Variants in PTPN13 observed in about 807,000 individuals in gnomAD.
PTPN13 encodes the protein protein tyrosine phosphatase non-receptor type 13.
A neutral mutation model predicts 284.0 loss-of-function variants in PTPN13; 191 were observed. That is an observed-to-expected ratio of 0.67 (90% CI 0.60 to 0.76). PTPN13 has a LOEUF of 0.76. Among genes scored for constraint, PTPN13 ranks in the 30% least tolerant of loss-of-function variants. The pLI, the probability that PTPN13 is intolerant of heterozygous loss-of-function variation, is 0.00. For missense variants in PTPN13, 2,797 were observed against 2,939.9 expected (o/e 0.95, Z 1.12); for synonymous variants, 986 against 1,022.3 (o/e 0.96, Z 0.68).
rs1192910798 is a variant in PTPN13 at position 86,594,515 on chromosome 4, G to C, written c.-280G>C. 6.6e-6 allele frequency: 1 copy of C among 152,612 alleles called. No homozygotes were observed. Among genetic ancestry groups the C allele is most frequent in the Non-Finnish European group, 1.5e-5 (1 of 68,280 alleles). 9.5% of individuals were successfully genotyped at this position (152,612 alleles called of 1,614,324 possible). A position where few individuals can be genotyped will look rare whatever the true frequency, so the allele number is the denominator to read the frequency against. ...AGGCGTCGAGCACAGTAGGGCGGCGGGGGTGCGTTGAGCGCTCGGGGGTCA... is the reference window on the plus strand; with the variant it reads ...AGGCGTCGAGCACAGTAGGGCGGCGCGGGTGCGTTGAGCGCTCGGGGGTCA... On this transcript the variant is annotated 5_prime_UTR_variant, in exon 1 of 48. Coordinates refer to ENST00000411767, the MANE Select transcript of PTPN13 (RefSeq NM_080683.3).
At chr4:86,597,257 T>G (rs1362396877) in intron 1 of PTPN13, among the ~76,000 whole-genome samples, 1 of 151,992 alleles carries the variant, frequency 6.6e-6, no homozygotes, top group Non-Finnish European at 1.5e-5. Context: ...AAAGATAGCT[T>G]TTAAGATAGG....
At chr4:86,624,665 T>G (rs1454580563) in intron 1 of PTPN13, among the ~76,000 whole-genome samples, 2 of 152,110 alleles carry the variant, frequency 1.3e-5, no homozygotes, top group Non-Finnish European at 2.9e-5. Flanking sequence ...TAAAGCTTTA[T>G]CCAAAAGCTG....
intron 2 of PTPN13, among the ~76,000 whole-genome samples, chr4:86,662,938 C>A (rs764245128): frequency 4.6e-5 from 7 of 152,112 alleles, no homozygotes; most frequent in Non-Finnish European, 1.0e-4. Context: ...TTGCTTGAGC[C>A]CAGAAGTTTG....
At position 86,766,069 on chromosome 4, in the gene PTPN13, C is replaced by A. The variant is rs540493702; in HGVS notation, c.4244-363C>A. 2.0e-5 allele frequency among the ~76,000 whole-genome samples: 3 copies of A among 152,244 alleles called. No individual in the cohort carries two copies. The South Asian group carries it at 6.2e-4, about 32-fold the overall frequency. On this transcript the variant is annotated intron_variant, in intron 26 of 47. Coordinates refer to ENST00000411767, the MANE Select transcript of PTPN13 (RefSeq NM_080683.3). Reference sequence around the variant, plus strand: ...TCTCGAACTCCTGACCTCAGGTGATCCCCCCACTTTGGCCTCCCAAAGTGT... The same window carrying A: ...TCTCGAACTCCTGACCTCAGGTGATACCCCCACTTTGGCCTCCCAAAGTGT...
intron 1 of PTPN13, among the ~76,000 whole-genome samples, chr4:86,603,630 A>T (rs1207840621): frequency 6.6e-6 from 1 of 152,166 alleles, no homozygotes; most frequent in Admixed American, 6.5e-5. Context: ...AGAATTCATA[A>T]CACATCTCTT....
intron 23 of PTPN13, among the ~76,000 whole-genome samples, chr4:86,760,942 G>C (rs758759089): frequency 6.6e-6 from 1 of 151,644 alleles, no homozygotes; most frequent in Non-Finnish European, 1.5e-5. Context: ...AAAGAGGAAG[G>C]CTTTTAGTTT....
intron 2 of PTPN13, among the ~76,000 whole-genome samples, chr4:86,669,683 G>C (rs1232147375): frequency 6.6e-6 from 1 of 152,088 alleles, no homozygotes; most frequent in African/African-American, 2.4e-5. Context: ...GGGATGAAAA[G>C]GAAGAATGTA....
intron 1 of PTPN13, among the ~76,000 whole-genome samples, chr4:86,632,897 C>T (rs1565189401): frequency 6.6e-6 from 1 of 152,126 alleles, no homozygotes; most frequent in Non-Finnish European, 1.5e-5. Flanking sequence ...TAACCTCAGA[C>T]TCCTGGGCTC....
Position 86,727,009 on chromosome 4 carries a change from G to A in PTPN13, c.1608+4575G>A, listed in dbSNP as rs541726157. On this transcript the variant is annotated intron_variant, in intron 10 of 47. Transcript: ENST00000411767. ...TCCACCAATACCTAGTTTATTGAGA[G>A]TTTTTAGCATGAAGGGCTGTTTAAT... is the stretch of plus-strand genomic sequence containing the variant. 7.4e-5 allele frequency among the ~76,000 whole-genome samples: 11 copies of A among 149,638 alleles called. No individual in the cohort carries two copies. The East Asian group carries it at 1.5e-3, about 21-fold the overall frequency.
intron 2 of PTPN13, among the ~76,000 whole-genome samples, chr4:86,663,706 A>T (rs1726768059): frequency 6.6e-6 from 1 of 152,196 alleles, no homozygotes; most frequent in Non-Finnish European, 1.5e-5. Flanking sequence ...CTTCCATATT[A>T]TAAATAGAGA....
At chr4:86,772,050 CTTTA>C (rs1740056080) in intron 31 of PTPN13, among the ~76,000 whole-genome samples, 1 of 152,170 alleles carries the variant, frequency 6.6e-6, no homozygotes, top group Non-Finnish European at 1.5e-5. Context: ...CCACATCCAA[CTTTA>C]TTTATTCAAG....
rs61750816 is a variant in PTPN13, at chr4:86,803,817, G to A, written c.6614G>A (p.Arg2205Gln). The change falls in exon 43 of 48, where the codon CGG (arginine) becomes CAG (glutamine). Residue 2205 changes from arginine (R) to glutamine (Q), a missense_variant. Physicochemically the swap from Arg to Gln is conservative, Grantham distance 43 (BLOSUM62 1). Coordinates refer to ENST00000411767, the MANE Select transcript of PTPN13 (RefSeq NM_080683.3). ...TTAAAATCAGTCATTCGAGTCCTGC[G>A]GGGTTTGCTAGATCAAGGAATTCCT... Reference protein sequence around the residue: ...ANLKSVIRVLRGLLDQGIPSK... With the variant: ...ANLKSVIRVLQGLLDQGIPSK... 41,042 of 1,613,752 alleles carry A rather than the reference G, an allele frequency of 0.025. 620 individuals carry two copies. Among genetic ancestry groups the A allele is most frequent in the Non-Finnish European group, 0.03 (35,724 of 1,179,746 alleles).
chr4:86,660,315 GGT>G (rs1379869121), intron 2 of PTPN13, among the ~76,000 whole-genome samples: 4 of 151,472 alleles, frequency 2.6e-5, no homozygotes, highest in African/African-American at 9.7e-5. Flanking sequence ...CTTCCCATCT[GGT>G]AGAAACAAAG....
intron 5 of PTPN13, chr4:86,689,671 A>AG (rs1183251943): frequency 1.4e-6 from 1 of 702,402 alleles, no homozygotes; most frequent in Non-Finnish European, 2.6e-6. Context: ...ACTGCTACCT[A>AG]GTGTATCCAG....
At chr4:86,693,071 T>TAACA (rs1554311669) in intron 5 of PTPN13, among the ~76,000 whole-genome samples, 1 of 112,304 alleles carries the variant, frequency 8.9e-6, no homozygotes, top group Admixed American at 9.5e-5. Flanking sequence ...CCGTTATATT[T>TAACA]AAAAAAAAAA....
Position 86,726,066 on chromosome 4 carries a change from T to C in PTPN13, c.1608+3632T>C, listed in dbSNP as rs570409194. On this transcript the variant is annotated intron_variant, in intron 10 of 47. Transcript: ENST00000411767. Reference sequence around the variant, plus strand: ...AGCCAGTTTTCCCAGCACCATGTATTAAATAGGGAATCCTTTCTACATTTC... The same window carrying C: ...AGCCAGTTTTCCCAGCACCATGTATCAAATAGGGAATCCTTTCTACATTTC... Among the ~76,000 whole-genome samples the C allele has an allele frequency of 4.0e-5, 6 of 149,850 alleles. 1 individual carries two copies. The highest frequency in any genetic ancestry group is 9.0e-5 in the Non-Finnish European group (6 of 66,712).
intron 2 of PTPN13, among the ~76,000 whole-genome samples, chr4:86,669,150 G>C (rs149836528): frequency 0.011 from 1,723 of 151,528 alleles, 10 homozygotes; most frequent in Non-Finnish European, 0.013. Flanking sequence ...TGTAGTTGAA[G>C]TAATTTGGCT....
intron 35 of PTPN13, among the ~76,000 whole-genome samples, chr4:86,779,749 A>G (rs1741082355): frequency 6.6e-6 from 1 of 152,104 alleles, no homozygotes; most frequent in South Asian, 2.1e-4. Context: ...CTCTTCTCTC[A>G]ATTATCAGCA....
rs758129113 is a variant in PTPN13, at chr4:86,769,953, T to A, written c.4674T>A (p.Asn1558Lys). 3 of 1,613,974 alleles carry A rather than the reference T, an allele frequency of 1.9e-6. No homozygotes were observed. The Admixed American group carries it at 5.0e-5, about 27-fold the overall frequency. The change falls in exon 29 of 48, where the codon AAT becomes AAA. Residue 1558 changes from asparagine to lysine, a missense_variant. Coordinates refer to ENST00000411767, the MANE Select transcript of PTPN13 (RefSeq NM_080683.3). Reference protein sequence around the residue: ...IDVGDVILKVNGASLKGLSQQ... With the variant: ...IDVGDVILKVKGASLKGLSQQ... ...TAGGAGATGTTATCTTGAAAGTGAA[T>A]GGAGCCTCTTTGAAAGGACTATCTC...
Sources: gnomAD v4.1 joint callset for allele counts (sites outside exome capture counted in the v4.1 genomes callset) on GRCh38, gnomAD v4.1.1 for gene constraint, MANE v1.5 for transcripts, NCBI Gene and HGNC (gene_info 2026-07-23, HGNC 2026-07-21) for gene names.